PRDX6: variants seen among roughly 807,000 people sequenced by gnomAD.
PRDX6 encodes peroxiredoxin 6, also known as peroxiredoxin-6.
In PRDX6, 13 loss-of-function variants were observed where a neutral mutation model predicts 20.0. The observed-to-expected ratio is 0.65, with a 90% CI of 0.42 to 1.03. The LOEUF is 1.03. Among genes scored for constraint, PRDX6 ranks in the 50% least tolerant of loss-of-function variants. The pLI, the probability that PRDX6 is intolerant of heterozygous loss-of-function variation, is 0.00. For synonymous variants in PRDX6, 85 were observed against 100.8 expected (o/e 0.84, Z 0.94); for missense variants, 203 against 276.9 (o/e 0.73, Z 1.89).
At chr1:173,485,212 C>A in intron 2 of PRDX6, 149 bp from the exon 3 acceptor site, 1 of 661,566 alleles carries the variant, frequency 1.5e-6, no homozygotes, top group Non-Finnish European at 2.5e-6. Context: ...GAGTGTTCAT[C>A]TACTCACTTT....
chr1:173,481,252 T>A, intron 1 of PRDX6, 74 bp from the exon 2 acceptor site: 1 of 1,393,294 alleles, frequency 7.2e-7, no homozygotes, highest in Non-Finnish European at 9.9e-7. Flanking sequence ...GATCCAGAAG[T>A]TGTGACTTTT....
In PRDX6 at chr1:173,477,357, GT is replaced by G. The variant is rs768861033; in HGVS notation, c.-39del. ...GCTGCTTCTTCGCCAGAACCAACCG[GT>G]TGCTTGCTGTCCCAGCGGCGCCCCC... On this transcript the variant is annotated 5_prime_UTR_variant, in exon 1 of 5. Transcript: ENST00000340385. 5.9e-6 allele frequency: 9 copies of G among 1,519,624 alleles called. No individual in the cohort carries two copies. Among genetic ancestry groups the G allele is most frequent in the South Asian group, 4.6e-5 (4 of 87,350 alleles). The allele number at this position is 1,519,624 out of a possible 1,614,324, so 94.1% of individuals were successfully genotyped here.
chr1:173,486,157 T>C, intron 3 of PRDX6, 98 bp from the exon 4 acceptor site: 1 of 1,100,714 alleles, frequency 9.1e-7, no homozygotes, highest in Non-Finnish European at 1.2e-6. Flanking sequence ...TGTCTTGTTT[T>C]TATACCCTTG....
At chr1:173,482,363 ATTTAG>A (rs1658818075) in intron 2 of PRDX6, among the ~76,000 whole-genome samples, 3 of 152,032 alleles carry the variant, frequency 2.0e-5, no homozygotes, top group Admixed American at 2.0e-4. Flanking sequence ...CATACTACCT[ATTTAG>A]TTTGTTTGTT....
intron 2 of PRDX6, 105 bp from the exon 3 acceptor site, chr1:173,485,256 G>A: frequency 8.9e-7 from 1 of 1,119,500 alleles, no homozygotes; most frequent in Middle Eastern, 2.1e-4. Context: ...AAATTACTGT[G>A]ATTTGGTCCT....
At chr1:173,484,458 A>G (rs1365330126) in intron 2 of PRDX6, among the ~76,000 whole-genome samples, 1 of 152,064 alleles carries the variant, frequency 6.6e-6, no homozygotes, top group Non-Finnish European at 1.5e-5. Context: ...CTGCTGCTTC[A>G]TACTGGAATC....
At chr1:173,482,666 G>T (rs1429534805) in intron 2 of PRDX6, among the ~76,000 whole-genome samples, 1 of 152,176 alleles carries the variant, frequency 6.6e-6, no homozygotes, top group Non-Finnish European at 1.5e-5. Context: ...ACGTGCAGTT[G>T]AATAAAAGAT....
chr1:173,485,440 C>T lies in PRDX6; in HGVS notation c.332C>T (p.Ala111Val), dbSNP rs11543992. The T allele has an allele frequency of 6.2e-7, 1 of 1,610,822 alleles. No individual in the cohort carries two copies. Among genetic ancestry groups the T allele is most frequent in the Non-Finnish European group, 8.5e-7 (1 of 1,178,428 alleles). ...ATCGATGATAGGAATCGGGAGCTTG[C>T]CATCCTGTTGGGCATGCTGGATCCA... is the stretch of plus-strand genomic sequence containing the variant. ...PIIDDRNREL[A>V]ILLGMLDPAE... The change falls in exon 3 of 5, where the codon GCC (alanine) becomes GTC (valine). Residue 111 changes from alanine (A) to valine (V), a missense_variant. Coordinates refer to ENST00000340385, the MANE Select transcript of PRDX6 (RefSeq NM_004905.3).
In PRDX6 at chr1:173,481,299, T is replaced by C. The variant is rs374525073; in HGVS notation, c.96-27T>C. On this transcript the variant is annotated intron_variant, in intron 1 of 4. Transcript: ENST00000340385. The stretch of plus-strand genomic sequence containing the variant: ...ATGTTGGTGATAACTCTTAATTCAA[T>C]TGTGACCTTGTTTTTCTTCCTTTCA... 1.4e-5 allele frequency: 23 copies of C among 1,602,488 alleles called. No individual in the cohort carries two copies. In the African/African-American group the frequency reaches 1.6e-4, roughly 11 times the overall value.
intron 4 of PRDX6, among the ~76,000 whole-genome samples, chr1:173,487,244 T>G (rs1388722310): frequency 6.6e-6 from 1 of 151,996 alleles, no homozygotes; most frequent in Non-Finnish European, 1.5e-5. Context: ...GAAGGGACCT[T>G]TGGAGAAAAA....
chr1:173,486,431 T>C (rs1287235936), intron 4 of PRDX6, 30 bp downstream of exon 4: 1 of 1,588,230 alleles, frequency 6.3e-7, no homozygotes. Flanking sequence ...GCAGTTTCTC[T>C]ACTTGCCTGA....
At chr1:173,487,463 G>A (rs1161521793) in intron 4 of PRDX6, among the ~76,000 whole-genome samples, 1 of 152,206 alleles carries the variant, frequency 6.6e-6, no homozygotes, top group Admixed American at 6.5e-5. Flanking sequence ...CACAGGGCTT[G>A]CAGGCCATGA....
intron 1 of PRDX6, among the ~76,000 whole-genome samples, chr1:173,480,244 G>A (rs961859503): frequency 1.9e-4 from 29 of 152,192 alleles, no homozygotes; most frequent in African/African-American, 6.3e-4. Flanking sequence ...CTTGGGAGTT[G>A]AGTGGCAGCC....
chr1:173,478,946 A>C (rs1658755233), intron 1 of PRDX6, among the ~76,000 whole-genome samples: 1 of 151,648 alleles, frequency 6.6e-6, no homozygotes, highest in Non-Finnish European at 1.5e-5. Flanking sequence ...CCATTCTTAT[A>C]CTTAGGATCT....
intron 1 of PRDX6, among the ~76,000 whole-genome samples, chr1:173,478,841 G>A (rs915255924): frequency 1.3e-5 from 2 of 152,154 alleles, no homozygotes; most frequent in African/African-American, 4.8e-5. Context: ...GAAAAGTTAA[G>A]CTTTGTGAAA....
chr1:173,484,125 A>AAG, intron 2 of PRDX6, among the ~76,000 whole-genome samples: 1 of 125,680 alleles, frequency 8.0e-6, no homozygotes, highest in East Asian at 2.3e-4. Flanking sequence ...TCAAAAAAAA[A>AAG]AAAAAAAAAA....
Position 173,488,359 on chromosome 1 carries a change from A to G in PRDX6, c.*496A>G, listed in dbSNP as rs1361019704. ...CCCAGATGCGCTTTAATTTTTTTTA[A>G]TATGTTTTGATCACAGAACTTCTAG... On this transcript the variant is annotated 3_prime_UTR_variant, in exon 5 of 5. Coordinates refer to ENST00000340385, the MANE Select transcript of PRDX6 (RefSeq NM_004905.3). The G allele has an allele frequency of 3.3e-5, 5 of 152,912 alleles. No homozygotes were observed. The highest frequency in any genetic ancestry group is 2.4e-5 in the African/African-American group (1 of 41,570). The allele number at this position is 152,912 out of a possible 1,614,324, so 9.5% of individuals were successfully genotyped here.
Position 173,488,023 on chromosome 1 carries a change from G to C in PRDX6, c.*160G>C. The C allele has an allele frequency of 1.3e-6, 1 of 790,818 alleles. No homozygotes were observed. The highest frequency in any genetic ancestry group is 2.9e-5 in the Admixed American group (1 of 34,316). 49.0% of individuals were successfully genotyped at this position (790,818 alleles called of 1,614,324 possible). A position where few individuals can be genotyped will look rare whatever the true frequency, so the allele number is the denominator to read the frequency against. On this transcript the variant is annotated 3_prime_UTR_variant, in exon 5 of 5. Transcript: ENST00000340385. ...ATGAAAATGGCACTAAAAGTTTCTT[G>C]AGATTCTTTATACTCTCTGCCTTCA... is the stretch of plus-strand genomic sequence containing the variant.
chr1:173,479,944 T>C (rs761354450), intron 1 of PRDX6, among the ~76,000 whole-genome samples: 1 of 152,214 alleles, frequency 6.6e-6, no homozygotes, highest in Non-Finnish European at 1.5e-5. Flanking sequence ...CTTTTAACGA[T>C]AGAGGAGGAA....
Sources: gnomAD v4.1 joint callset for allele counts (sites outside exome capture counted in the v4.1 genomes callset) on GRCh38, gnomAD v4.1.1 for gene constraint, MANE v1.5 for transcripts, NCBI Gene and HGNC (gene_info 2026-07-23, HGNC 2026-07-21) for gene names.